The following EFCAB6 variants were observed in gnomAD, a reference collection of about 807,000 sequenced individuals.
The protein encoded by EFCAB6 is EF-hand calcium-binding domain-containing protein 6.
EFCAB6 carries 156 observed loss-of-function variants against 169.8 expected under a neutral mutation model. That is an observed-to-expected ratio of 0.92 (90% CI 0.81 to 1.05). The LOEUF (loss-of-function observed/expected upper bound fraction) is 1.05. Among genes scored for constraint, EFCAB6 ranks in the 50% least tolerant of loss-of-function variants. The pLI is 0.00. For missense variants in EFCAB6, 1,800 were observed against 1,829.1 expected (o/e 0.98, Z 0.29); for synonymous variants, 698 against 676.4 (o/e 1.03, Z -0.50).
Position 43,664,700 on chromosome 22 carries a change from G to A in EFCAB6, c.1983+2404C>T, listed in dbSNP as rs116950492. Among the ~76,000 whole-genome samples, 126 of 152,326 alleles carry A rather than the reference G, an allele frequency of 8.3e-4. 3 individuals are homozygous for A. The East Asian group carries it at 0.02, about 25-fold the overall frequency. On this transcript the variant is annotated intron_variant, in intron 17 of 31. Coordinates refer to ENST00000262726, the MANE Select transcript of EFCAB6 (RefSeq NM_022785.4). ...CAAGGAAGAGCCAGCCTCTGTCTGA[G>A]GGGAGAGGAAGCTGATGTGGCTGGA...
At chr22:43,627,723 G>T (rs965934656) in intron 19 of EFCAB6, among the ~76,000 whole-genome samples, 2 of 152,154 alleles carry the variant, frequency 1.3e-5, no homozygotes, top group African/African-American at 4.8e-5. Context: ...TTACCTGGCT[G>T]CTCTGGCGGC....
chr22:43,540,748 T>C (rs2047667171), intron 27 of EFCAB6, among the ~76,000 whole-genome samples: 1 of 152,118 alleles, frequency 6.6e-6, no homozygotes, highest in Non-Finnish European at 1.5e-5. Flanking sequence ...CAGACTCATT[T>C]CTCACCCTTC....
At chr22:43,738,185 C>T (rs1348037175) in intron 6 of EFCAB6, among the ~76,000 whole-genome samples, 1 of 151,884 alleles carries the variant, frequency 6.6e-6, no homozygotes, top group Non-Finnish European at 1.5e-5. Context: ...TATGCACACA[C>T]ACCTGCATAT....
Position 43,717,701 on chromosome 22 carries a change from G to A in EFCAB6, c.758-729C>T, listed in dbSNP as rs532114918. ...GAATAATAAGAACCAGTTCTGGCTT[G>A]TGTATAAAAACTTGGTACTTGAATA... On this transcript the variant is annotated intron_variant, in intron 8 of 31. Coordinates refer to ENST00000262726, the MANE Select transcript of EFCAB6 (RefSeq NM_022785.4). 2.6e-5 allele frequency among the ~76,000 whole-genome samples: 4 copies of A among 152,264 alleles called. No homozygotes were observed. In the South Asian group the frequency reaches 8.3e-4, roughly 32 times the overall value.
intron 8 of EFCAB6, among the ~76,000 whole-genome samples, chr22:43,728,445 T>C (rs2059816508): frequency 6.6e-6 from 1 of 152,246 alleles, no homozygotes; most frequent in Non-Finnish European, 1.5e-5. Flanking sequence ...GATTGCTGGG[T>C]CAAATGGTAT....
rs185013145 is a variant in EFCAB6 at position 43,597,738 on chromosome 22, G to T, written c.2876+2331C>A. Among the ~76,000 whole-genome samples, 655 of 152,214 alleles carry T rather than the reference G, an allele frequency of 4.3e-3. 4 individuals are homozygous for T. The highest frequency in any genetic ancestry group is 0.034 in the Middle Eastern group (10 of 294). On this transcript the variant is annotated intron_variant, in intron 23 of 31. Transcript: ENST00000262726. ...TCCAGAAATTCTATGATACTGCTGG[G>T]TATATATTCAAAAGAAAGGAAATCA...
At position 43,626,826 on chromosome 22, in the gene EFCAB6, C is replaced by T; in HGVS notation, c.2233-147G>A. ...TATTGCTTTTAGAGACTTGGCTGTTCCAGGAATATCCTTGCCATGCTTTGC... is the reference window on the plus strand; with the variant it reads ...TATTGCTTTTAGAGACTTGGCTGTTTCAGGAATATCCTTGCCATGCTTTGC... On this transcript the variant is annotated intron_variant, in intron 19 of 31. Transcript: ENST00000262726. The T allele has an allele frequency of 5.8e-6, 4 of 687,830 alleles. No homozygotes were observed. The East Asian group carries it at 1.1e-4, about 19-fold the overall frequency. 42.6% of individuals were successfully genotyped at this position (687,830 alleles called of 1,614,324 possible). A position where few individuals can be genotyped will look rare whatever the true frequency, so the allele number is the denominator to read the frequency against.
chr22:43,635,064 G>A (rs1373216706), intron 18 of EFCAB6, 38 bp downstream of exon 18: 1 of 1,550,762 alleles, frequency 6.4e-7, no homozygotes, highest in Non-Finnish European at 8.9e-7. Context: ...TGTCACCCAG[G>A]ACGCATCCCA....
chr22:43,593,157 T>G (rs2051696974), intron 23 of EFCAB6, among the ~76,000 whole-genome samples: 1 of 152,104 alleles, frequency 6.6e-6, no homozygotes, highest in Non-Finnish European at 1.5e-5. Flanking sequence ...AGGACAAGGT[T>G]GTTTGGGAAT....
intron 23 of EFCAB6, among the ~76,000 whole-genome samples, chr22:43,591,824 G>A (rs1207330374): frequency 2.6e-5 from 4 of 152,076 alleles, no homozygotes; most frequent in Admixed American, 6.6e-5. Flanking sequence ...AAAAAATTAC[G>A]GTTAAGGAAC....
chr22:43,775,147 G>A (rs765778234), intron 3 of EFCAB6, among the ~76,000 whole-genome samples: 1 of 152,130 alleles, frequency 6.6e-6, no homozygotes, highest in African/African-American at 2.4e-5. Flanking sequence ...GGGGCCAGGT[G>A]AGGGATGGAG....
chr22:43,807,961 C>T (rs1018997724), intron 2 of EFCAB6, among the ~76,000 whole-genome samples: 6 of 152,188 alleles, frequency 3.9e-5, no homozygotes, highest in African/African-American at 1.2e-4. Flanking sequence ...GCTCCACCAT[C>T]CACCACAACA....
chr22:43,699,294 C>T (rs2058684307), intron 10 of EFCAB6, among the ~76,000 whole-genome samples: 1 of 152,120 alleles, frequency 6.6e-6, no homozygotes, highest in Non-Finnish European at 1.5e-5. Context: ...CAGTTCCTGC[C>T]CTGCTGGGCA....
At chr22:43,566,440 G>A (rs546972502) in intron 26 of EFCAB6, among the ~76,000 whole-genome samples, 8 of 152,316 alleles carry the variant, frequency 5.3e-5, no homozygotes, top group African/African-American at 1.9e-4. Context: ...ACTGACCCCA[G>A]AGTACCAGTG....
At chr22:43,732,730 G>A (rs984828621) in intron 7 of EFCAB6, among the ~76,000 whole-genome samples, 1 of 152,002 alleles carries the variant, frequency 6.6e-6, no homozygotes, top group African/African-American at 2.4e-5. Context: ...GCTTCCTAAA[G>A]TGCTGGAATT....
chr22:43,787,174 C>G (rs1248599074), intron 2 of EFCAB6, among the ~76,000 whole-genome samples: 1 of 152,130 alleles, frequency 6.6e-6, no homozygotes, highest in Non-Finnish European at 1.5e-5. Context: ...TGCCTGTTCT[C>G]ACTACTTCTA....
At chr22:43,559,878 G>T (rs1474402650) in intron 26 of EFCAB6, among the ~76,000 whole-genome samples, 1 of 152,112 alleles carries the variant, frequency 6.6e-6, no homozygotes, top group Non-Finnish European at 1.5e-5. Flanking sequence ...GGGGGGCAAG[G>T]GGAGGGAAAG....
At chr22:43,625,687 G>A (rs2054461813) in intron 20 of EFCAB6, among the ~76,000 whole-genome samples, 1 of 152,252 alleles carries the variant, frequency 6.6e-6, no homozygotes, top group Admixed American at 6.5e-5. Flanking sequence ...GGAGGGGCTG[G>A]AGGAGGTTCT....
chr22:43,667,030 C>T lies in EFCAB6; in HGVS notation c.1983+74G>A, dbSNP rs1603085124. The T allele has an allele frequency of 5.3e-6, 8 of 1,519,266 alleles. No homozygotes were observed. In the East Asian group the frequency reaches 1.6e-4, roughly 30 times the overall value. The allele number at this position is 1,519,266 out of a possible 1,614,324, so 94.1% of individuals were successfully genotyped here. ...CTGCGTCCTGGGATAAGCCATTGTC[C>T]TTTAAAGTATGTTAGTATAAGAAAA... On this transcript the variant is annotated intron_variant, in intron 17 of 31. Transcript: ENST00000262726.
Sources: allele counts gnomAD v4.1 joint callset (sites outside exome capture counted in the v4.1 genomes callset), GRCh38; gene constraint gnomAD v4.1.1; transcripts MANE v1.5; gene names NCBI Gene and HGNC (gene_info 2026-07-23, HGNC 2026-07-21).